PRELID2: variants seen among roughly 807,000 people sequenced by gnomAD.
The protein encoded by PRELID2 is PRELI domain containing 2.
A neutral mutation model predicts 28.4 loss-of-function variants in PRELID2; 25 were observed. The observed-to-expected ratio is 0.88, with a 90% CI of 0.64 to 1.23. The LOEUF (loss-of-function observed/expected upper bound fraction) is 1.23. PRELID2 is among the 50% of genes most tolerant of loss of function. The probability of loss-of-function intolerance (pLI) is 0.00; values close to 1 mark genes in which losing one functional copy is unlikely to be tolerated. For synonymous variants in PRELID2, 76 were observed against 71.6 expected (o/e 1.06, Z -0.31); for missense variants, 201 against 214.4 (o/e 0.94, Z 0.39).
At chr5:145,656,813 A>T (rs1217032437) in intron 1 of PRELID2, among the ~76,000 whole-genome samples, 3 of 152,026 alleles carry the variant, frequency 2.0e-5, no homozygotes, top group Non-Finnish European at 4.4e-5. Context: ...ATGGCAAGTT[A>T]ATGGGTGCAG....
chr5:145,756,130 C>T (rs1757249862), downstream of PRELID2, among the ~76,000 whole-genome samples: 1 of 152,162 alleles, frequency 6.6e-6, no homozygotes, highest in Non-Finnish European at 1.5e-5. Flanking sequence ...GCACCTGGCC[C>T]ACCCAGGTCA....
the PRELID2 span, among the ~76,000 whole-genome samples, chr5:145,378,985 T>G: frequency 6.6e-6 from 1 of 152,066 alleles, no homozygotes; most frequent in Non-Finnish European, 1.5e-5. Context: ...TTAGATGAAG[T>G]TTGGATTATT....
chr5:145,463,883 T>C, the PRELID2 span, among the ~76,000 whole-genome samples: 2 of 152,216 alleles, frequency 1.3e-5, no homozygotes, highest in African/African-American at 4.8e-5. Context: ...GATTCAGAGA[T>C]AAAAGTTACC....
At chr5:145,575,658 T>C (rs1753054381) in intron 1 of PRELID2, among the ~76,000 whole-genome samples, 1 of 152,198 alleles carries the variant, frequency 6.6e-6, no homozygotes, top group Non-Finnish European at 1.5e-5. Flanking sequence ...TCTTCACTAT[T>C]CTCCAATCTT....
chr5:145,464,384 T>C, the PRELID2 span, among the ~76,000 whole-genome samples: 1 of 152,220 alleles, frequency 6.6e-6, no homozygotes, highest in African/African-American at 2.4e-5. Context: ...TAATTATTGA[T>C]ATTAGGACTC....
the PRELID2 span, among the ~76,000 whole-genome samples, chr5:145,435,831 G>A: frequency 6.6e-6 from 1 of 152,142 alleles, no homozygotes; most frequent in Admixed American, 6.5e-5. Flanking sequence ...TAAAACTTGT[G>A]TCTACCACAC....
chr5:145,609,127 C>G (rs1055600120), intron 1 of PRELID2, among the ~76,000 whole-genome samples: 2 of 152,112 alleles, frequency 1.3e-5, no homozygotes, highest in Admixed American at 6.5e-5. Flanking sequence ...TTGGTTCTTT[C>G]CTAAAATGAT....
chr5:145,596,179 A>T (rs1336871715), intron 1 of PRELID2, among the ~76,000 whole-genome samples: 1 of 151,940 alleles, frequency 6.6e-6, no homozygotes, highest in African/African-American at 2.4e-5. Context: ...GAAAGAAAGA[A>T]GAAATGGAAG....
chr5:145,591,660 T>C (rs1053858946), intron 1 of PRELID2, among the ~76,000 whole-genome samples: 1 of 152,116 alleles, frequency 6.6e-6, no homozygotes, highest in Non-Finnish European at 1.5e-5. Context: ...AAAGCACAAA[T>C]ATCCCACACT....
At chr5:145,653,528 A>C (rs543175108) in intron 1 of PRELID2, among the ~76,000 whole-genome samples, 5 of 152,364 alleles carry the variant, frequency 3.3e-5, no homozygotes, top group African/African-American at 9.6e-5. Context: ...ATGTAAAAGA[A>C]GAGAAATTAT....
chr5:145,308,858 C>A, the PRELID2 span, among the ~76,000 whole-genome samples: 1 of 152,148 alleles, frequency 6.6e-6, no homozygotes, highest in Non-Finnish European at 1.5e-5. Context: ...ACTGCAGGGA[C>A]CTTGATGCTA....
At chr5:145,697,715 A>G (rs542578010) in intron 1 of PRELID2, among the ~76,000 whole-genome samples, 3 of 152,210 alleles carry the variant, frequency 2.0e-5, no homozygotes, top group African/African-American at 7.2e-5. Flanking sequence ...AATTGTCATA[A>G]ATGCAGTCCA....
chr5:145,305,740 A>C, the PRELID2 span, among the ~76,000 whole-genome samples: 1 of 152,068 alleles, frequency 6.6e-6, no homozygotes, highest in Non-Finnish European at 1.5e-5. Flanking sequence ...TTATTACAAA[A>C]TACAGGGGCA....
intron 1 of PRELID2, among the ~76,000 whole-genome samples, chr5:145,590,499 A>G (rs1753212759): frequency 6.6e-6 from 1 of 152,192 alleles, no homozygotes; most frequent in Non-Finnish European, 1.5e-5. Context: ...CTTGTTCAGC[A>G]TTATAAATAT....
chr5:145,486,480 T>C (rs942839125), intron 1 of PRELID2, among the ~76,000 whole-genome samples: 2 of 152,310 alleles, frequency 1.3e-5, no homozygotes, highest in South Asian at 4.1e-4. Context: ...CCAGTGCTCT[T>C]AAACTCTTCC....
chr5:145,628,375 G>C (rs920535966), intron 1 of PRELID2, among the ~76,000 whole-genome samples: 2 of 152,052 alleles, frequency 1.3e-5, no homozygotes, highest in African/African-American at 4.8e-5. Flanking sequence ...CCAGGCTGGA[G>C]TGCAGTGGCG....
the PRELID2 span, among the ~76,000 whole-genome samples, chr5:145,407,176 G>A: frequency 6.6e-6 from 1 of 152,218 alleles, no homozygotes; most frequent in Non-Finnish European, 1.5e-5. Flanking sequence ...GTTCTGAAGA[G>A]CCCTTCTTGC....
chr5:145,354,589 C>T, the PRELID2 span, among the ~76,000 whole-genome samples: 1 of 152,090 alleles, frequency 6.6e-6, no homozygotes, highest in Non-Finnish European at 1.5e-5. Flanking sequence ...AAGAGAAATA[C>T]CTATTTGCTT....
chr5:145,253,213 T>C, the PRELID2 span, among the ~76,000 whole-genome samples: 1 of 152,128 alleles, frequency 6.6e-6, no homozygotes, highest in Non-Finnish European at 1.5e-5. Context: ...GATGATAAAC[T>C]AAAAGCAAAA....
Sources: gnomAD v4.1 joint callset for allele counts (sites outside exome capture counted in the v4.1 genomes callset) on GRCh38, gnomAD v4.1.1 for gene constraint, MANE v1.5 for transcripts, NCBI Gene and HGNC (gene_info 2026-07-23, HGNC 2026-07-21) for gene names.